The following FBXL5 variants were observed in gnomAD, a reference collection of about 807,000 sequenced individuals.
FBXL5 encodes F-box and leucine rich repeat protein 5.
Under a neutral mutation model 78.3 loss-of-function variants are expected in FBXL5, and 26 were observed. The observed-to-expected ratio is 0.33, with a 90% confidence interval of 0.24 to 0.46. The LOEUF (loss-of-function observed/expected upper bound fraction) is 0.46, where lower values mean the gene tolerates loss of function less well. Ranked by LOEUF, FBXL5 falls within the 20% of genes least tolerant of loss-of-function variation. The probability of loss-of-function intolerance (pLI) is 1.00; values close to 1 mark genes in which losing one functional copy is unlikely to be tolerated. For missense variants in FBXL5, 710 were observed against 829.2 expected, an observed-to-expected ratio of 0.86 and a Z score of 1.77; for synonymous variants, 295 against 282.5, an observed-to-expected ratio of 1.04 and a Z score of -0.45.
At chr4:15,618,874 C>T (rs1712177453) in intron 9 of FBXL5, among the ~76,000 whole-genome samples, 1 of 151,976 alleles carries the variant, frequency 6.6e-6, no homozygotes, top group Non-Finnish European at 1.5e-5. Flanking sequence ...CTTTCTCAAG[C>T]TCTGCCAAAA....
At chr4:15,622,945 C>T (rs181859966) in intron 9 of FBXL5, among the ~76,000 whole-genome samples, 2 of 152,220 alleles carry the variant, frequency 1.3e-5, no homozygotes, top group African/African-American at 4.8e-5. Flanking sequence ...AGAATAAGTG[C>T]AACTTATTTC....
intron 9 of FBXL5, among the ~76,000 whole-genome samples, chr4:15,621,522 A>T (rs1237740303): frequency 6.6e-6 from 1 of 152,250 alleles, no homozygotes; most frequent in Non-Finnish European, 1.5e-5. Flanking sequence ...GTTCATCAAC[A>T]GATGGATAAA....
At chr4:15,671,714 G>C (rs11723554) in intron 1 of FBXL5, among the ~76,000 whole-genome samples, 18,471 of 151,984 alleles carry the variant, frequency 0.12, 1,373 homozygotes, top group African/African-American at 0.2. Context: ...TACACACTAG[G>C]GTGCTTAAAC....
chr4:15,612,132 A>G, intron 10 of FBXL5, 134 bp downstream of exon 10: 1 of 687,720 alleles, frequency 1.5e-6, no homozygotes, highest in Non-Finnish European at 2.2e-6. Context: ...AATTTTATCA[A>G]ATTTAACTAA....
exon 1 of FBXL5, chr4:15,681,413 C>T: frequency 1.2e-5 from 2 of 173,324 alleles, no homozygotes; most frequent in Non-Finnish European, 1.4e-5. Flanking sequence ...GTGGCTGCTG[C>T]GCCAACCGAA....
chr4:15,627,131 CTTTT>C (rs33920814), intron 7 of FBXL5, among the ~76,000 whole-genome samples, 176 bp from the exon 8 acceptor site: 1 of 87,824 alleles, frequency 1.1e-5, no homozygotes. Context: ...CTGAGAATCT[CTTTT>C]TTTTTTTTTT....
intron 1 of FBXL5, among the ~76,000 whole-genome samples, chr4:15,670,710 G>A (rs1244749399): frequency 1.3e-5 from 2 of 148,872 alleles, no homozygotes; most frequent in Non-Finnish European, 1.5e-5. Flanking sequence ...TTGAAAAAAG[G>A]AAAAAAAAAA....
At chr4:15,623,240 C>CA (rs925516474) in intron 9 of FBXL5, among the ~76,000 whole-genome samples, 26 of 150,256 alleles carry the variant, frequency 1.7e-4, no homozygotes, top group South Asian at 6.3e-4. Flanking sequence ...ACTTTGAAAG[C>CA]AAAAAAAACA....
In FBXL5 at chr4:15,604,675, G is replaced by A. The variant is rs1240914728; in HGVS notation, c.*1048C>T. On this transcript the variant is annotated 3_prime_UTR_variant, in exon 11 of 11. Transcript: ENST00000341285. Reference sequence around the variant, plus strand: ...AAACGCAATAAGATGACATATGCCTGTATCTGTATCAATAGGAGGAACATT... The same window carrying A: ...AAACGCAATAAGATGACATATGCCTATATCTGTATCAATAGGAGGAACATT... 6.6e-6 allele frequency: 1 copy of A among 152,208 alleles called. No individual in the cohort carries two copies. The highest frequency in any genetic ancestry group is 2.4e-5 in the African/African-American group (1 of 41,454). The allele number at this position is 152,208 out of a possible 1,614,324, so 9.4% of individuals were successfully genotyped here. A position where few individuals can be genotyped will look rare whatever the true frequency, so the allele number is the denominator to read the frequency against.
chr4:15,611,326 CT>C (rs1179232153), intron 10 of FBXL5, among the ~76,000 whole-genome samples: 1 of 152,036 alleles, frequency 6.6e-6, no homozygotes, highest in African/African-American at 2.4e-5. Flanking sequence ...TCCCTCTGGT[CT>C]TCCTGACTCC....
At chr4:15,674,065 A>C (rs969208101) in intron 1 of FBXL5, among the ~76,000 whole-genome samples, 1 of 152,240 alleles carries the variant, frequency 6.6e-6, no homozygotes. Context: ...GATACATTCA[A>C]GGAAAAAACT....
chr4:15,670,139 A>G (rs1324765976), intron 1 of FBXL5, among the ~76,000 whole-genome samples: 2 of 152,164 alleles, frequency 1.3e-5, no homozygotes, highest in African/African-American at 2.4e-5. Context: ...TAGTATTCTC[A>G]TATGTGTTCC....
chr4:15,640,216 A>C (rs545515168), intron 3 of FBXL5, among the ~76,000 whole-genome samples: 1 of 151,818 alleles, frequency 6.6e-6, no homozygotes, highest in East Asian at 1.9e-4. Context: ...GATTTTTTTA[A>C]TTTTTAGCAG....
At position 15,636,506 on chromosome 4, in the gene FBXL5, G is replaced by T. The variant is rs763712714; in HGVS notation, c.754C>A (p.His252Asn). 1 of 1,598,576 alleles carries T rather than the reference G, an allele frequency of 6.3e-7. No homozygotes were observed. The highest frequency in any genetic ancestry group is 8.5e-7 in the Non-Finnish European group (1 of 1,171,374). ...CCCATTTACCTACCTCTGGCCCAAT[G>T]AACAGGGTAAAGATGTTTCCAAAGC... Reference protein sequence around the residue: ...GSLWKHLYPVHWARGDWYSGP... With the variant: ...GSLWKHLYPVNWARGDWYSGP... Residue 252 changes from histidine to asparagine, a missense_variant, in exon 5 of 11, where the codon CAT (histidine) becomes AAT (asparagine). His to Asn is a moderately conservative substitution (Grantham distance 68). Coordinates refer to ENST00000341285, the MANE Select transcript of FBXL5 (RefSeq NM_012161.4).
chr4:15,651,901 A>G (rs139333786), intron 1 of FBXL5, among the ~76,000 whole-genome samples: 253 of 152,276 alleles, frequency 1.7e-3, no homozygotes, highest in African/African-American at 6.0e-3. Flanking sequence ...AATCAATTCA[A>G]AGAGACCACT....
Position 15,605,583 on chromosome 4 carries a change from T to C in FBXL5, c.*140A>G, listed in dbSNP as rs1721829766. ...ATTACAATTCACTGGTAAATTAAGATTTCTGAAGTTGTAAGAAATGGGGCC... is the reference window on the plus strand; with the variant it reads ...ATTACAATTCACTGGTAAATTAAGACTTCTGAAGTTGTAAGAAATGGGGCC... On this transcript the variant is annotated 3_prime_UTR_variant, in exon 11 of 11. Transcript: ENST00000341285. 1.5e-6 allele frequency: 1 copy of C among 649,244 alleles called. No homozygotes were observed. The highest frequency in any genetic ancestry group is 1.8e-5 in the African/African-American group (1 of 55,068). 40.2% of individuals were successfully genotyped at this position (649,244 alleles called of 1,614,324 possible).
At chr4:15,620,869 G>A (rs1712406566) in intron 9 of FBXL5, among the ~76,000 whole-genome samples, 1 of 152,210 alleles carries the variant, frequency 6.6e-6, no homozygotes. Flanking sequence ...GCATGTTCCT[G>A]CTGCAGTTAA....
intron 9 of FBXL5, among the ~76,000 whole-genome samples, chr4:15,617,264 G>A (rs893948746): frequency 5.9e-5 from 9 of 152,178 alleles, no homozygotes; most frequent in African/African-American, 1.9e-4. Context: ...GTACAAGGCC[G>A]GGCACAGTGG....
intron 5 of FBXL5, among the ~76,000 whole-genome samples, chr4:15,633,289 A>G (rs1713883035): frequency 3.3e-5 from 5 of 152,204 alleles, no homozygotes; most frequent in Admixed American, 3.3e-4. Context: ...CAACTTTTTT[A>G]TAGAAATAAG....
Sources: allele counts gnomAD v4.1 joint callset (sites outside exome capture counted in the v4.1 genomes callset), GRCh38; gene constraint gnomAD v4.1.1; transcripts MANE v1.5; gene names NCBI Gene and HGNC (gene_info 2026-07-23, HGNC 2026-07-21).